The following ARHGAP39 variants were observed in gnomAD, a reference collection of about 807,000 sequenced individuals.
ARHGAP39 encodes rho GTPase-activating protein 39.
Under a neutral mutation model 106.9 loss-of-function variants are expected in ARHGAP39, and 44 were observed. That is an observed-to-expected ratio of 0.41 (90% CI 0.32 to 0.53). The LOEUF is 0.53. ARHGAP39 is among the 20% of genes least tolerant of loss of function. The pLI, the probability that ARHGAP39 is intolerant of heterozygous loss-of-function variation, is 0.21. For synonymous variants in ARHGAP39, 768 were observed against 693.2 expected, an observed-to-expected ratio of 1.11 and a Z score of -1.69; for missense variants, 1,496 against 1,577.3, an observed-to-expected ratio of 0.95 and a Z score of 0.87.
chr8:144,681,031 ACAG>A (rs1822403876), intron 1 of ARHGAP39, among the ~76,000 whole-genome samples: 1 of 152,210 alleles, frequency 6.6e-6, no homozygotes, highest in African/African-American at 2.4e-5. Context: ...GATACCAAAC[ACAG>A]CAGAAGTGGC....
intron 1 of ARHGAP39, among the ~76,000 whole-genome samples, chr8:144,650,229 T>A (rs921221347): frequency 6.6e-6 from 1 of 151,962 alleles, no homozygotes; most frequent in Non-Finnish European, 1.5e-5. Context: ...AACAGACAAT[T>A]AACAAGCTCC....
At chr8:144,685,396 C>T (rs1267757975) in intron 1 of ARHGAP39, among the ~76,000 whole-genome samples, 4 of 151,606 alleles carry the variant, frequency 2.6e-5, no homozygotes, top group Non-Finnish European at 5.9e-5. Context: ...AACTCACCCA[C>T]CCTCACACTC....
chr8:144,664,766 A>G (rs1821918488), intron 1 of ARHGAP39, among the ~76,000 whole-genome samples: 1 of 152,128 alleles, frequency 6.6e-6, no homozygotes, highest in African/African-American at 2.4e-5. Context: ...GCCTTTCACC[A>G]CCCACCATGA....
intron 4 of ARHGAP39, among the ~76,000 whole-genome samples, chr8:144,552,337 A>G (rs1345102807): frequency 6.6e-6 from 1 of 152,250 alleles, no homozygotes; most frequent in Admixed American, 6.5e-5. Flanking sequence ...GCTCCTGAGA[A>G]GCGGCTGCTG....
intron 11 of ARHGAP39, 39 bp from the exon 12 acceptor site, chr8:144,530,655 C>CGGG: frequency 3.2e-6 from 1 of 310,964 alleles, no homozygotes. Context: ...GGGGCGGGGG[C>CGGG]GGGGCGGGGA....
At chr8:144,602,009 G>A (rs1819997499) in intron 2 of ARHGAP39, among the ~76,000 whole-genome samples, 1 of 144,204 alleles carries the variant, frequency 6.9e-6, no homozygotes, top group Admixed American at 7.0e-5. Flanking sequence ...CTGTGTGTGT[G>A]CATGGAGGCG....
chr8:144,545,402 G>T lies in ARHGAP39; in HGVS notation c.2368C>A (p.Arg790=). 1.4e-6 allele frequency: 2 copies of T among 1,473,958 alleles called. No homozygotes were observed. The highest frequency in any genetic ancestry group is 1.8e-5 in the African/African-American group (1 of 56,828). 91.3% of individuals were successfully genotyped at this position (1,473,958 alleles called of 1,614,324 possible). A position where few individuals can be genotyped will look rare whatever the true frequency, so the allele number is the denominator to read the frequency against. The change falls in exon 6 of 12, where the codon CGG becomes AGG. Residue 790 remains arginine (R), a synonymous_variant. Coordinates refer to ENST00000377307, the MANE Select transcript of ARHGAP39 (RefSeq NM_025251.3). ...LRDELYIQLC[R]QTTENFRLES... ...AGGCGGAAGTTCTCGGTGGTCTGCC[G>T]GCACAGCTGGATGTAGAGCTCGTCC...
intron 5 of ARHGAP39, among the ~76,000 whole-genome samples, chr8:144,546,091 G>A (rs1817408728): frequency 1.3e-5 from 2 of 152,218 alleles, no homozygotes; most frequent in African/African-American, 4.8e-5. Flanking sequence ...TGAGGCGGGA[G>A]GAAGGGGAGC....
intron 1 of ARHGAP39, among the ~76,000 whole-genome samples, chr8:144,621,054 C>A (rs1820796071): frequency 6.6e-6 from 1 of 152,284 alleles, no homozygotes; most frequent in South Asian, 2.1e-4. Flanking sequence ...ACCCAGAGCC[C>A]CAGTTGGCAG....
chr8:144,589,391 G>A (rs1436732125), intron 2 of ARHGAP39, among the ~76,000 whole-genome samples: 1 of 152,208 alleles, frequency 6.6e-6, no homozygotes, highest in East Asian at 1.9e-4. Context: ...ATGGCCCAGA[G>A]GGGCTCAGGG....
rs550426921 is a variant in ARHGAP39, at chr8:144,631,096, G to A, written c.-81-25401C>T. 9.8e-5 allele frequency among the ~76,000 whole-genome samples: 15 copies of A among 152,294 alleles called. No homozygotes were observed. The South Asian group carries it at 1.0e-3, about 11-fold the overall frequency. ...GCAAGAGGGGGCAGCTGCTGCCCACGTTTAAATGACCAGATCCATCTCGCA... is the reference window on the plus strand; with the variant it reads ...GCAAGAGGGGGCAGCTGCTGCCCACATTTAAATGACCAGATCCATCTCGCA... On this transcript the variant is annotated intron_variant, in intron 1 of 11. Coordinates refer to ENST00000377307, the MANE Select transcript of ARHGAP39 (RefSeq NM_025251.3).
At chr8:144,599,115 C>A (rs775453053) in intron 2 of ARHGAP39, among the ~76,000 whole-genome samples, 1 of 152,226 alleles carries the variant, frequency 6.6e-6, no homozygotes, top group Non-Finnish European at 1.5e-5. Context: ...GTGCTGCTCA[C>A]AGAAGCCCCA....
chr8:144,547,167 G>C lies in ARHGAP39; in HGVS notation c.1919C>G (p.Thr640Ser). The C allele has an allele frequency of 6.2e-7, 1 of 1,610,978 alleles. No individual in the cohort carries two copies. The highest frequency in any genetic ancestry group is 8.5e-7 in the Non-Finnish European group (1 of 1,179,028). ...GTAGGGCTCTGGTGAGGCCAGGTTG[G>C]TCTGCACGGAGACGCTCTTCTCCAG... ...ILLEKSVSVQ[T>S]NLASPEPYLH... is the part of the protein sequence containing the mutation. Residue 640 changes from threonine to serine, a missense_variant, in exon 5 of 12, where the codon ACC (threonine) becomes AGC (serine). Physicochemically the swap from Thr to Ser is moderately conservative, Grantham distance 58. This residue lies in a region of ARHGAP39 where 905 missense variants were observed against 816.4 expected (regional missense o/e 1.11). Coordinates refer to ENST00000377307, the MANE Select transcript of ARHGAP39 (RefSeq NM_025251.3). This position sits in a 1 kb window ranked among gnomAD's most constrained non-coding sequence, Gnocchi z 5.2.
chr8:144,649,385 A>C (rs1015626647), intron 1 of ARHGAP39, among the ~76,000 whole-genome samples: 1 of 152,002 alleles, frequency 6.6e-6, no homozygotes. Flanking sequence ...AGGAGGCAGA[A>C]CTTGCAGTGA....
At chr8:144,639,325 C>CAAAAA (rs1320599462) in intron 1 of ARHGAP39, among the ~76,000 whole-genome samples, 12 of 64,888 alleles carry the variant, frequency 1.8e-4, no homozygotes, top group Non-Finnish European at 2.3e-4. Flanking sequence ...GATGCTGTCT[C>CAAAAA]AAAAAAAAAA....
At chr8:144,559,445 G>A (rs547164569) in intron 3 of ARHGAP39, among the ~76,000 whole-genome samples, 8 of 147,330 alleles carry the variant, frequency 5.4e-5, no homozygotes, top group South Asian at 2.2e-4. Flanking sequence ...AACAGAAAGC[G>A]CAAGTATTGA....
chr8:144,634,982 A>G (rs1821140317), intron 1 of ARHGAP39, among the ~76,000 whole-genome samples: 1 of 152,272 alleles, frequency 6.6e-6, no homozygotes, highest in Non-Finnish European at 1.5e-5. Context: ...CTTCAGGACT[A>G]AGCTCACACA....
intron 2 of ARHGAP39, among the ~76,000 whole-genome samples, chr8:144,602,610 ATGTACCTGTGTGTGCG>A: frequency 9.4e-6 from 1 of 105,858 alleles, no homozygotes; most frequent in African/African-American, 3.7e-5. Context: ...GTGCGAGCTC[ATGTACCTGTGTGTGCG>A]TGGAGGCGTG....
In ARHGAP39 at chr8:144,530,167, G is replaced by T; in HGVS notation, c.*255C>A. ...TTCTCGGAGCTGACCCGCGGCCAGC[G>T]GAGGGCGAGGCGGTGCCCGCGGGAA... On this transcript the variant is annotated 3_prime_UTR_variant, in exon 12 of 12. Coordinates refer to ENST00000377307, the MANE Select transcript of ARHGAP39 (RefSeq NM_025251.3). The T allele has an allele frequency of 3.8e-6, 2 of 523,292 alleles. No homozygotes were observed. Among genetic ancestry groups the T allele is most frequent in the East Asian group, 6.6e-5 (2 of 30,160 alleles). 32.4% of individuals were successfully genotyped at this position (523,292 alleles called of 1,614,324 possible). A position where few individuals can be genotyped will look rare whatever the true frequency, so the allele number is the denominator to read the frequency against.
Sources: allele counts gnomAD v4.1 joint callset (sites outside exome capture counted in the v4.1 genomes callset), GRCh38; gene constraint gnomAD v4.1.1; regional missense constraint gnomAD v4.1.1; non-coding constraint Gnocchi (gnomAD v3.1); transcripts MANE v1.5; gene names NCBI Gene and HGNC (gene_info 2026-07-23, HGNC 2026-07-21).